PRKN: variants seen among roughly 807,000 people sequenced by gnomAD.
The protein encoded by PRKN is E3 ubiquitin-protein ligase parkin.
Under a neutral mutation model 59.5 loss-of-function variants are expected in PRKN, and 56 were observed. The observed-to-expected ratio is 0.94, with a 90% confidence interval of 0.76 to 1.18. The LOEUF (loss-of-function observed/expected upper bound fraction) is 1.18, where lower values mean the gene tolerates loss of function less well. PRKN is among the 50% of genes most tolerant of loss of function. The pLI, the probability that PRKN is intolerant of heterozygous loss-of-function variation, is 0.00. For missense variants in PRKN, 657 were observed against 596.4 expected (o/e 1.10, Z -1.06); for synonymous variants, 250 against 222.1 (o/e 1.13, Z -1.12).
chr6:162,243,770 AGAT>A (rs1268716651), intron 3 of PRKN, among the ~76,000 whole-genome samples: 4 of 152,274 alleles, frequency 2.6e-5, no homozygotes, highest in African/African-American at 9.6e-5. Context: ...GGGAAAAGAA[AGAT>A]GATGAGCTAA....
rs985224209 is a variant in PRKN, at chr6:161,467,607, C to T, written c.1084-80730G>A. Among the ~76,000 whole-genome samples the T allele has an allele frequency of 2.0e-5, 3 of 152,162 alleles. No homozygotes were observed. Among genetic ancestry groups the T allele is most frequent in the African/African-American group, 7.2e-5 (3 of 41,426 alleles). On this transcript the variant is annotated intron_variant, in intron 9 of 11. Coordinates refer to ENST00000366898, the MANE Select transcript of PRKN (RefSeq NM_004562.3). This position sits in a 1 kb window ranked among gnomAD's most constrained non-coding sequence, Gnocchi z 4.3. ...AGGTGCTGAGCCTAAAAGGAGGATACAGGGAAGGCTTCCTGGAGATGATGA... is the reference window on the plus strand; with the variant it reads ...AGGTGCTGAGCCTAAAAGGAGGATATAGGGAAGGCTTCCTGGAGATGATGA...
At chr6:162,485,183 T>C (rs1256712545) in intron 1 of PRKN, among the ~76,000 whole-genome samples, 2 of 152,212 alleles carry the variant, frequency 1.3e-5, no homozygotes, top group Non-Finnish European at 2.9e-5. Flanking sequence ...GATTTTTCTT[T>C]ATTCCTTAGA....
intron 9 of PRKN, among the ~76,000 whole-genome samples, chr6:161,416,666 A>G (rs1434493342): frequency 6.6e-6 from 1 of 152,104 alleles, no homozygotes; most frequent in Non-Finnish European, 1.5e-5. Context: ...TGCTCATAAA[A>G]ACCAGGCAGG....
intron 7 of PRKN, among the ~76,000 whole-genome samples, chr6:161,722,272 G>C (rs1028958360): frequency 2.6e-5 from 4 of 152,122 alleles, no homozygotes; most frequent in African/African-American, 9.7e-5. Context: ...ATATTTTTGT[G>C]TGCATTGATT....
At chr6:162,076,426 A>G (rs2128292460) in intron 4 of PRKN, among the ~76,000 whole-genome samples, 1 of 152,284 alleles carries the variant, frequency 6.6e-6, no homozygotes, top group South Asian at 2.1e-4. Context: ...GTTCTAGTCT[A>G]TAAATTTCCC....
At chr6:161,491,616 C>T (rs1012785549) in intron 9 of PRKN, among the ~76,000 whole-genome samples, 4 of 150,134 alleles carry the variant, frequency 2.7e-5, no homozygotes, top group Admixed American at 6.7e-5. Flanking sequence ...GAACTTTGTA[C>T]GGGAAAGTGA....
Position 162,198,063 on chromosome 6 carries a change from C to T in PRKN, c.534+3068G>A, listed in dbSNP as rs527478514. On this transcript the variant is annotated intron_variant, in intron 4 of 11. Transcript: ENST00000366898. ...CAATACTGGAGTTGACATTTTGGCC[C>T]CTCAGGTAGGAAATGAAGAGAGGAG... Among the ~76,000 whole-genome samples, 4 of 152,136 alleles carry T rather than the reference C, an allele frequency of 2.6e-5. No individual in the cohort carries two copies. The South Asian group carries it at 6.2e-4, about 24-fold the overall frequency.
chr6:162,711,242 T>C (rs1778525292), intron 1 of PRKN, among the ~76,000 whole-genome samples: 1 of 152,198 alleles, frequency 6.6e-6, no homozygotes, highest in African/African-American at 2.4e-5. Context: ...ACTTGTCTGC[T>C]TTGCCATTTG....
At chr6:161,453,391 A>G (rs553302082) in intron 9 of PRKN, among the ~76,000 whole-genome samples, 27 of 152,276 alleles carry the variant, frequency 1.8e-4, no homozygotes, top group Admixed American at 7.2e-4. Context: ...TGTGTTTTCT[A>G]TCACCTTGGC....
At position 161,763,370 on chromosome 6, in the gene PRKN, T is replaced by C. The variant is rs190897091; in HGVS notation, c.871+22402A>G. Among the ~76,000 whole-genome samples, 222 of 151,708 alleles carry C rather than the reference T, an allele frequency of 1.5e-3. 1 individual carries two copies. Among genetic ancestry groups the C allele is most frequent in the Non-Finnish European group, 2.7e-3 (180 of 67,912 alleles). ...CTGTTGCCCCCGAGACCCACCCCTG[T>C]CCCTGGGAAACAGGAGACACCCCCA... On this transcript the variant is annotated intron_variant, in intron 7 of 11. Coordinates refer to ENST00000366898, the MANE Select transcript of PRKN (RefSeq NM_004562.3).
chr6:162,170,001 G>A (rs1783194806), intron 4 of PRKN, among the ~76,000 whole-genome samples: 2 of 152,122 alleles, frequency 1.3e-5, no homozygotes, highest in Admixed American at 6.6e-5. Flanking sequence ...TGATTTTATC[G>A]CATGACTGCC....
chr6:161,805,961 A>G (rs1392709950), intron 6 of PRKN, among the ~76,000 whole-genome samples: 1 of 152,196 alleles, frequency 6.6e-6, no homozygotes, highest in East Asian at 1.9e-4. Flanking sequence ...CTTAGCCAAG[A>G]GAAAGTCCTG....
chr6:161,844,094 AG>A (rs1373776897), intron 6 of PRKN, among the ~76,000 whole-genome samples: 2 of 152,242 alleles, frequency 1.3e-5, no homozygotes, highest in African/African-American at 4.8e-5. Context: ...AAGAATTTTC[AG>A]TAACTTCTGG....
chr6:162,144,870 GGTGGA>G (rs1781954628), intron 4 of PRKN, among the ~76,000 whole-genome samples: 1 of 152,160 alleles, frequency 6.6e-6, no homozygotes, highest in East Asian at 1.9e-4. Flanking sequence ...TTAAGGCTAC[GGTGGA>G]GTGAAACGAC....
intron 2 of PRKN, among the ~76,000 whole-genome samples, chr6:162,338,998 A>C (rs1389055356): frequency 4.9e-5 from 7 of 143,946 alleles, no homozygotes. Flanking sequence ...CTGAGAAGTG[A>C]GGAGACCCTC....
intron 1 of PRKN, among the ~76,000 whole-genome samples, chr6:162,511,419 T>G (rs1206920871): frequency 6.7e-6 from 1 of 150,320 alleles, no homozygotes; most frequent in Non-Finnish European, 1.5e-5. Flanking sequence ...AACACAGACA[T>G]GTACACAGAA....
intron 4 of PRKN, among the ~76,000 whole-genome samples, chr6:162,094,197 G>A (rs903632904): frequency 1.3e-5 from 2 of 152,158 alleles, no homozygotes; most frequent in African/African-American, 2.4e-5. Flanking sequence ...AGGAAGAAAA[G>A]TTGGAAAGGT....
chr6:162,109,510 A>G (rs1324309892), intron 4 of PRKN, among the ~76,000 whole-genome samples: 1 of 152,214 alleles, frequency 6.6e-6, no homozygotes, highest in East Asian at 1.9e-4. Flanking sequence ...GGGACCAGCT[A>G]TGGCTCTTCG....
intron 6 of PRKN, among the ~76,000 whole-genome samples, chr6:161,824,441 G>C (rs947237017): frequency 2.0e-5 from 3 of 152,212 alleles, no homozygotes; most frequent in Non-Finnish European, 4.4e-5. Flanking sequence ...ACTTGAGAGA[G>C]AATTTACCGG....
Sources: allele counts gnomAD v4.1 joint callset (sites outside exome capture counted in the v4.1 genomes callset), GRCh38; gene constraint gnomAD v4.1.1; non-coding constraint Gnocchi (gnomAD v3.1); transcripts MANE v1.5; gene names NCBI Gene and HGNC (gene_info 2026-07-23, HGNC 2026-07-21).